GPAM: variants seen among roughly 807,000 people sequenced by gnomAD.
GPAM encodes the protein glycerol-3-phosphate acyltransferase 1, mitochondrial.
In GPAM, 56 loss-of-function variants were observed where a neutral mutation model predicts 105.0. That is an observed-to-expected ratio of 0.53 (90% confidence interval 0.43 to 0.67). The LOEUF (loss-of-function observed/expected upper bound fraction) is 0.67. Ranked by LOEUF, GPAM falls within the 30% of genes least tolerant of loss-of-function variation. GPAM has a pLI of 0.00. For missense variants in GPAM, 855 were observed against 989.8 expected, an observed-to-expected ratio of 0.86 and a Z score of 1.83; for synonymous variants, 368 against 354.4, an observed-to-expected ratio of 1.04 and a Z score of -0.43.
upstream of GPAM, among the ~76,000 whole-genome samples, chr10:112,218,611 A>G (rs546281286): frequency 6.6e-6 from 1 of 152,354 alleles, no homozygotes; most frequent in Admixed American, 6.5e-5. Flanking sequence ...TAAGAGAAGT[A>G]AAGAAACAAA....
At chr10:112,175,535 T>A in intron 6 of GPAM, 65 bp downstream of exon 6, 1 of 828,094 alleles carries the variant, frequency 1.2e-6, no homozygotes, top group South Asian at 1.3e-5. Context: ...AAGAATTACT[T>A]CCCCCTCCCA....
chr10:112,209,083 A>C (rs1847882363), intron 1 of GPAM, among the ~76,000 whole-genome samples: 1 of 152,192 alleles, frequency 6.6e-6, no homozygotes, highest in South Asian at 2.1e-4. Flanking sequence ...AATACACTGC[A>C]CTGCTCTATG....
intron 7 of GPAM, 23 bp downstream of exon 7, chr10:112,173,676 C>T (rs776111073): frequency 1.6e-5 from 26 of 1,611,924 alleles, no homozygotes; most frequent in Non-Finnish European, 2.1e-5. Context: ...TGATTGAAAG[C>T]TTTCTGCCTT....
At chr10:112,191,548 G>T (rs1444054307) in intron 1 of GPAM, among the ~76,000 whole-genome samples, 2 of 152,160 alleles carry the variant, frequency 1.3e-5, no homozygotes, top group Non-Finnish European at 2.9e-5. Flanking sequence ...GGAATAAAAG[G>T]TATTTTTCCT....
At chr10:112,221,776 A>G in the GPAM span, among the ~76,000 whole-genome samples, 2 of 152,202 alleles carry the variant, frequency 1.3e-5, no homozygotes, top group African/African-American at 2.4e-5. Context: ...TGCCCTTCTG[A>G]GTCACAATTT....
intron 1 of GPAM, among the ~76,000 whole-genome samples, chr10:112,211,184 T>G (rs1847907080): frequency 6.6e-6 from 1 of 152,102 alleles, no homozygotes; most frequent in African/African-American, 2.4e-5. Flanking sequence ...GAATGGGGAT[T>G]CTAGAAGACA....
intron 11 of GPAM, among the ~76,000 whole-genome samples, chr10:112,167,073 A>T (rs2133244067): frequency 6.6e-6 from 1 of 152,322 alleles, no homozygotes; most frequent in East Asian, 1.9e-4. Flanking sequence ...AGACACAGTC[A>T]GGATGAGTAG....
Position 112,150,573 on chromosome 10 carries a change from G to C in GPAM, c.*2977C>G, listed in dbSNP as rs1846897812. 4 of 982,710 alleles carry C rather than the reference G, an allele frequency of 4.1e-6. No individual in the cohort carries two copies. Among genetic ancestry groups the C allele is most frequent in the Non-Finnish European group, 4.8e-6 (4 of 827,238 alleles). The allele number at this position is 982,710 out of a possible 1,614,324, so 60.9% of individuals were successfully genotyped here. ...TCTCCTTAAAGAACTATCTAACATA[G>C]TGTTTCCCAAAATGTTCTCCACAGG... On this transcript the variant is annotated 3_prime_UTR_variant, in exon 22 of 22. Transcript: ENST00000348367.
chr10:112,212,638 C>G (rs1005198284), intron 1 of GPAM, among the ~76,000 whole-genome samples: 2 of 152,144 alleles, frequency 1.3e-5, no homozygotes, highest in Non-Finnish European at 2.9e-5. Context: ...GAGAAAGCCC[C>G]TGGTTGATGA....
intron 5 of GPAM, among the ~76,000 whole-genome samples, chr10:112,176,919 G>A (rs963890394): frequency 3.3e-5 from 5 of 152,154 alleles, no homozygotes; most frequent in Non-Finnish European, 2.9e-5. Flanking sequence ...TAGCAAATGC[G>A]ATTTTCCTTA....
intron 14 of GPAM, 38 bp from the exon 15 acceptor site, chr10:112,161,775 T>C (rs1439027991): frequency 2.0e-6 from 3 of 1,526,682 alleles, no homozygotes; most frequent in East Asian, 2.2e-5. Context: ...AGTTGCACTT[T>C]TTACAAACAT....
At chr10:112,221,290 C>T in the GPAM span, among the ~76,000 whole-genome samples, 52 of 152,186 alleles carry the variant, frequency 3.4e-4, no homozygotes, top group Non-Finnish European at 6.3e-4. Flanking sequence ...TACCTACCTA[C>T]TCTTGCACGG....
Position 112,162,354 on chromosome 10 carries a change from C to T in GPAM, c.1424-617G>A, listed in dbSNP as rs117906022. ...CCACATGAGAATAAAATGACTGGCC[C>T]GGCACAGGAGCCACAGTAATGGGTG... On this transcript the variant is annotated intron_variant, in intron 14 of 21. Transcript: ENST00000348367. 9.1e-3 allele frequency among the ~76,000 whole-genome samples: 1,384 copies of T among 152,244 alleles called. 9 individuals are homozygous for T. Among genetic ancestry groups the T allele is most frequent in the Non-Finnish European group, 0.016 (1,078 of 68,016 alleles).
intron 1 of GPAM, among the ~76,000 whole-genome samples, chr10:112,203,547 G>A (rs1847824073): frequency 6.6e-6 from 1 of 152,156 alleles, no homozygotes. Context: ...GTAACAGAAT[G>A]AGTCAACCTC....
the GPAM span, among the ~76,000 whole-genome samples, chr10:112,223,381 C>A: frequency 6.6e-6 from 1 of 152,230 alleles, no homozygotes; most frequent in African/African-American, 2.4e-5. Context: ...GAAAAAAATT[C>A]TATCGATCTC....
chr10:112,187,016 T>C (rs1564686142), upstream of GPAM, among the ~76,000 whole-genome samples: 2 of 152,350 alleles, frequency 1.3e-5, no homozygotes, highest in East Asian at 3.9e-4. Context: ...CAGTATAATA[T>C]ACTTGAAGGT....
chr10:112,167,376 T>G (rs1354513840), intron 11 of GPAM, among the ~76,000 whole-genome samples: 2 of 152,214 alleles, frequency 1.3e-5, no homozygotes, highest in Non-Finnish European at 2.9e-5. Flanking sequence ...TGAAAATACA[T>G]ATTTTTTAAG....
chr10:112,185,726 T>C (rs1428940218), upstream of GPAM, among the ~76,000 whole-genome samples: 4 of 152,010 alleles, frequency 2.6e-5, no homozygotes, highest in Admixed American at 6.6e-5. Flanking sequence ...TGAGCCAAGA[T>C]TGTGCCACTG....
intron 18 of GPAM, among the ~76,000 whole-genome samples, 181 bp from the exon 19 acceptor site, chr10:112,157,570 C>A (rs992060515): frequency 6.6e-6 from 1 of 151,994 alleles, no homozygotes; most frequent in Non-Finnish European, 1.5e-5. Flanking sequence ...CAGCAGGAGA[C>A]AAAAGAAAGG....
Sources: gnomAD v4.1 joint callset for allele counts (sites outside exome capture counted in the v4.1 genomes callset) on GRCh38, gnomAD v4.1.1 for gene constraint, MANE v1.5 for transcripts, NCBI Gene and HGNC (gene_info 2026-07-23, HGNC 2026-07-21) for gene names.